Variants in HTR1F observed in about 807,000 individuals in gnomAD.
HTR1F encodes 5-hydroxytryptamine (serotonin) receptor 1F, G protein-coupled.
In HTR1F, 17 loss-of-function variants were observed where a neutral mutation model predicts 24.0. The observed-to-expected ratio is 0.71, with a 90% CI of 0.48 to 1.06. The LOEUF (loss-of-function observed/expected upper bound fraction) is 1.06. HTR1F is among the 50% of genes least tolerant of loss of function. The pLI, the probability that HTR1F is intolerant of heterozygous loss-of-function variation, is 0.00. For missense variants in HTR1F, 391 were observed against 427.8 expected, an observed-to-expected ratio of 0.91 and a Z score of 0.76; for synonymous variants, 186 against 156.8, an observed-to-expected ratio of 1.19 and a Z score of -1.39.
chr3:87,938,166 A>C (rs1387508589), intron 2 of HTR1F, among the ~76,000 whole-genome samples: 1 of 152,144 alleles, frequency 6.6e-6, no homozygotes, highest in Non-Finnish European at 1.5e-5. Context: ...AGAGAGCCAA[A>C]TCAGGAACAC....
At chr3:87,972,616 A>G (rs1705308761) in intron 2 of HTR1F, among the ~76,000 whole-genome samples, 1 of 151,968 alleles carries the variant, frequency 6.6e-6, no homozygotes, top group South Asian at 2.1e-4. Flanking sequence ...CTTTCCCCTG[A>G]CCCTATATTC....
In HTR1F at chr3:87,991,511, A is replaced by G; in HGVS notation, c.762A>G (p.Pro254=). 6.2e-7 allele frequency: 1 copy of G among 1,613,830 alleles called. No individual in the cohort carries two copies. The highest frequency in any genetic ancestry group is 8.5e-7 in the Non-Finnish European group (1 of 1,179,698). The part of the protein sequence containing the change: ...SYVLEKSLSD[P]STDFDKIHST... ...TACTAGAAAAGTCTTTATCTGACCC[A>G]TCAACAGACTTTGATAAAATTCATA... The change falls in exon 3 of 3, where the codon CCA becomes CCG. Residue 254 remains proline, a synonymous_variant. Transcript: ENST00000319595.
intron 2 of HTR1F, among the ~76,000 whole-genome samples, chr3:87,884,619 G>A (rs1043855714): frequency 6.6e-6 from 1 of 152,206 alleles, no homozygotes; most frequent in South Asian, 2.1e-4. Context: ...CACATGCAGA[G>A]ACACACATAG....
intron 2 of HTR1F, among the ~76,000 whole-genome samples, chr3:87,917,473 A>G (rs1173883932): frequency 2.0e-5 from 3 of 151,964 alleles, no homozygotes; most frequent in African/African-American, 7.2e-5. Context: ...TAGCAAGACT[A>G]ACCAAGAAAA....
chr3:87,985,257 C>A (rs1705637448), intron 2 of HTR1F, among the ~76,000 whole-genome samples: 1 of 151,998 alleles, frequency 6.6e-6, no homozygotes, highest in Non-Finnish European at 1.5e-5. Context: ...ATCGCTTGAA[C>A]CCAGGAGGCA....
chr3:87,857,224 G>T (rs767538404), intron 2 of HTR1F, among the ~76,000 whole-genome samples: 6 of 151,786 alleles, frequency 4.0e-5, no homozygotes, highest in Non-Finnish European at 5.9e-5. Context: ...TTATGTTGTA[G>T]TAAATTAAAA....
chr3:87,893,450 T>G (rs1437840098), intron 2 of HTR1F, among the ~76,000 whole-genome samples: 1 of 152,194 alleles, frequency 6.6e-6, no homozygotes, highest in Non-Finnish European at 1.5e-5. Context: ...CATCCTTAGA[T>G]TCCACAATTT....
chr3:87,916,185 C>T lies in HTR1F; in HGVS notation c.-42-74523C>T, dbSNP rs547448897. Among the ~76,000 whole-genome samples, 80 of 151,500 alleles carry T rather than the reference C, an allele frequency of 5.3e-4. 1 individual carries two copies. The highest frequency in any genetic ancestry group is 1.8e-3 in the African/African-American group (74 of 41,348). ...ATTCGCCATTACCAAGCCACCACTA[C>T]AAGAACTGCTAAAGGGGGCTCTAAA... On this transcript the variant is annotated intron_variant, in intron 2 of 2. Coordinates refer to ENST00000319595, the MANE Select transcript of HTR1F (RefSeq NM_001322209.2).
chr3:87,936,829 C>T (rs1282155142), intron 2 of HTR1F, among the ~76,000 whole-genome samples: 1 of 151,928 alleles, frequency 6.6e-6, no homozygotes, highest in African/African-American at 2.4e-5. Context: ...GACTGAGATA[C>T]TCATTTCATC....
intron 1 of HTR1F, among the ~76,000 whole-genome samples, chr3:87,803,440 AG>A (rs1473666845): frequency 2.0e-5 from 3 of 152,084 alleles, no homozygotes; most frequent in Non-Finnish European, 4.4e-5. Context: ...TCAGGATCTA[AG>A]GGGGGAAAAT....
rs543820033 is a variant in HTR1F, at chr3:87,851,844, T to C, written c.-43+29720T>C. 4.0e-5 allele frequency among the ~76,000 whole-genome samples: 6 copies of C among 151,624 alleles called. No homozygotes were observed. In the East Asian group the frequency reaches 1.2e-3, roughly 29 times the overall value. On this transcript the variant is annotated intron_variant, in intron 2 of 2. Coordinates refer to ENST00000319595, the MANE Select transcript of HTR1F (RefSeq NM_001322209.2). Reference sequence around the variant, plus strand: ...AAAACCTATAAGAATGTACATTTCTTATATATGATGTTACATTAGGATTAG... The same window carrying C: ...AAAACCTATAAGAATGTACATTTCTCATATATGATGTTACATTAGGATTAG...
At chr3:87,886,991 G>A (rs1705963039) in intron 2 of HTR1F, among the ~76,000 whole-genome samples, 1 of 151,696 alleles carries the variant, frequency 6.6e-6, no homozygotes, top group East Asian at 1.9e-4. Context: ...AGTTCACATG[G>A]AACCGTAAAA....
intron 2 of HTR1F, among the ~76,000 whole-genome samples, chr3:87,917,852 C>A (rs1456296066): frequency 4.6e-5 from 7 of 151,900 alleles, no homozygotes. Flanking sequence ...AGATGGAACC[C>A]CTCCCTAAAT....
intron 2 of HTR1F, among the ~76,000 whole-genome samples, chr3:87,915,665 G>A (rs1176096203): frequency 6.6e-6 from 1 of 152,020 alleles, no homozygotes; most frequent in Non-Finnish European, 1.5e-5. Flanking sequence ...AAAGAAAAAA[G>A]AATGAGAAAA....
chr3:87,912,366 A>G (rs1485274941), intron 2 of HTR1F, among the ~76,000 whole-genome samples: 1 of 152,076 alleles, frequency 6.6e-6, no homozygotes, highest in Non-Finnish European at 1.5e-5. Flanking sequence ...CTAACCATGG[A>G]GGTGAAAGAT....
intron 1 of HTR1F, among the ~76,000 whole-genome samples, chr3:87,800,906 G>C (rs1703980194): frequency 6.6e-6 from 1 of 152,140 alleles, no homozygotes; most frequent in Non-Finnish European, 1.5e-5. Flanking sequence ...GTAATCTTCT[G>C]TATCTACAGT....
At chr3:87,825,921 A>C (rs1487459361) in intron 2 of HTR1F, among the ~76,000 whole-genome samples, 1 of 152,210 alleles carries the variant, frequency 6.6e-6, no homozygotes, top group African/African-American at 2.4e-5. Flanking sequence ...CAGTGGTGTA[A>C]TACTGGATAA....
chr3:87,861,088 C>T (rs1705309181), intron 2 of HTR1F, among the ~76,000 whole-genome samples: 1 of 152,164 alleles, frequency 6.6e-6, no homozygotes, highest in South Asian at 2.1e-4. Context: ...ACCCGAGAAG[C>T]AGAGTTTGCT....
chr3:87,845,722 C>T (rs536670122), intron 2 of HTR1F, among the ~76,000 whole-genome samples: 1 of 152,056 alleles, frequency 6.6e-6, no homozygotes, highest in East Asian at 1.9e-4. Flanking sequence ...TTTTCAAATA[C>T]AAGACATGGC....
Sources: gnomAD v4.1 joint callset for allele counts (sites outside exome capture counted in the v4.1 genomes callset) on GRCh38, gnomAD v4.1.1 for gene constraint, MANE v1.5 for transcripts, NCBI Gene and HGNC (gene_info 2026-07-23, HGNC 2026-07-21) for gene names.